Variants in PDE1C observed in about 807,000 individuals in gnomAD.
PDE1C encodes phosphodiesterase 1C.
A neutral mutation model predicts 93.1 loss-of-function variants in PDE1C; 62 were observed. The ratio of observed to expected loss-of-function variants is 0.67; its 90% CI spans 0.54 to 0.82. The LOEUF is 0.82. Among genes scored for constraint, PDE1C ranks in the 40% least tolerant of loss-of-function variants. The pLI is 0.00. For synonymous variants in PDE1C, 325 were observed against 310.1 expected (o/e 1.05, Z -0.50); for missense variants, 742 against 884.6 (o/e 0.84, Z 2.04).
chr7:31,773,539 G>A (rs1306798139), intron 17 of PDE1C, among the ~76,000 whole-genome samples: 1 of 151,960 alleles, frequency 6.6e-6, no homozygotes, highest in Non-Finnish European at 1.5e-5. Flanking sequence ...ATACTCTGTA[G>A]TCCCAAGAGC....
At chr7:32,215,292 T>C (rs1255217045) in intron 1 of PDE1C, among the ~76,000 whole-genome samples, 1 of 152,224 alleles carries the variant, frequency 6.6e-6, no homozygotes, top group East Asian at 1.9e-4. Flanking sequence ...TATGATCATC[T>C]GAGGTAGAAC....
At position 31,997,870 on chromosome 7, in the gene PDE1C, T is replaced by G. The variant is rs191693183; in HGVS notation, c.128+53684A>C. Among the ~76,000 whole-genome samples, 385 of 152,278 alleles carry G rather than the reference T, an allele frequency of 2.5e-3. 3 individuals are homozygous for G. Among genetic ancestry groups the G allele is most frequent in the African/African-American group, 5.7e-3 (239 of 41,566 alleles). ...CAACGATGAATTGGGATTCCAAAAC[T>G]CTGCATCATAGAGCACGGGAGCATA... On this transcript the variant is annotated intron_variant, in intron 2 of 17. Transcript: ENST00000396191.
intron 1 of PDE1C, among the ~76,000 whole-genome samples, chr7:32,246,306 G>A (rs1230261773): frequency 1.3e-5 from 2 of 152,078 alleles, no homozygotes; most frequent in Non-Finnish European, 2.9e-5. Flanking sequence ...TAAACATGCA[G>A]AACATAGCAA....
intron 1 of PDE1C, among the ~76,000 whole-genome samples, chr7:32,310,017 A>G (rs892025537): frequency 2.6e-5 from 4 of 152,216 alleles, no homozygotes; most frequent in African/African-American, 9.7e-5. Context: ...TGTCATGTGC[A>G]GAGACACACA....
At chr7:31,995,123 T>C (rs1387780741) in intron 2 of PDE1C, among the ~76,000 whole-genome samples, 1 of 152,200 alleles carries the variant, frequency 6.6e-6, no homozygotes, top group Admixed American at 6.5e-5. Flanking sequence ...GATGCTATTT[T>C]GGACATTTCT....
chr7:32,243,490 G>A (rs377342785), intron 1 of PDE1C, among the ~76,000 whole-genome samples: 2 of 152,186 alleles, frequency 1.3e-5, no homozygotes, highest in African/African-American at 4.8e-5. Flanking sequence ...CATAGGACTG[G>A]ATCTAGGTAG....
At chr7:31,988,917 C>T (rs1182206163) in intron 2 of PDE1C, among the ~76,000 whole-genome samples, 1 of 149,394 alleles carries the variant, frequency 6.7e-6, no homozygotes, top group Non-Finnish European at 1.5e-5. Context: ...ATCACTTGAA[C>T]CCAGGAAGCA....
intron 1 of PDE1C, among the ~76,000 whole-genome samples, chr7:32,224,092 G>A (rs1414154080): frequency 1.3e-5 from 2 of 152,226 alleles, no homozygotes; most frequent in African/African-American, 2.4e-5. Flanking sequence ...GGCAGGCTTG[G>A]CCGGGCACAG....
the PDE1C span, among the ~76,000 whole-genome samples, chr7:31,700,025 T>C: frequency 6.6e-6 from 1 of 152,094 alleles, no homozygotes; most frequent in Non-Finnish European, 1.5e-5. Context: ...GGCCAATCAA[T>C]AACCCTACAG....
chr7:32,325,915 C>T (rs6980103), intron 1 of PDE1C, among the ~76,000 whole-genome samples: 5,000 of 152,218 alleles, frequency 0.033, 155 homozygotes, highest in African/African-American at 0.083. Flanking sequence ...ATTTAAGAAA[C>T]GATTGCAATC....
chr7:32,364,117 G>C (rs1478552796), intron 1 of PDE1C, among the ~76,000 whole-genome samples: 2 of 152,190 alleles, frequency 1.3e-5, no homozygotes, highest in African/African-American at 4.8e-5. Context: ...GTGGATAAAT[G>C]GAGTGTGGGT....
intron 1 of PDE1C, among the ~76,000 whole-genome samples, chr7:32,069,533 G>A (rs1443132972): frequency 6.6e-6 from 1 of 152,100 alleles, no homozygotes; most frequent in Non-Finnish European, 1.5e-5. Context: ...CCTGACTGGA[G>A]TGACCAGCAG....
intron 14 of PDE1C, among the ~76,000 whole-genome samples, chr7:31,819,099 T>C (rs1030988333): frequency 6.6e-6 from 1 of 152,156 alleles, no homozygotes; most frequent in Non-Finnish European, 1.5e-5. Context: ...TCTAATCAGA[T>C]ACGAGCCTAT....
At chr7:31,741,860 C>G in the PDE1C span, among the ~76,000 whole-genome samples, 4 of 152,186 alleles carry the variant, frequency 2.6e-5, no homozygotes, top group African/African-American at 7.2e-5. Context: ...GGGACCAGGT[C>G]CCATGTGCCC....
chr7:31,618,036 A>G, the PDE1C span, among the ~76,000 whole-genome samples: 1 of 152,196 alleles, frequency 6.6e-6, no homozygotes, highest in Non-Finnish European at 1.5e-5. Flanking sequence ...TGTGGCATCC[A>G]TGGGATCCTA....
At chr7:32,374,148 G>A (rs1784379989) in intron 1 of PDE1C, among the ~76,000 whole-genome samples, 1 of 106,832 alleles carries the variant, frequency 9.4e-6, no homozygotes, top group Non-Finnish European at 1.8e-5. Context: ...ACGAAAGAAT[G>A]AAAGAAAGAA....
intron 1 of PDE1C, among the ~76,000 whole-genome samples, chr7:32,410,167 G>A (rs942056150): frequency 9.2e-5 from 14 of 152,108 alleles, no homozygotes; most frequent in Non-Finnish European, 1.9e-4. Context: ...ATATAAAGTA[G>A]TTTTTTAAAA....
upstream of PDE1C, among the ~76,000 whole-genome samples, chr7:32,072,036 C>T (rs1370650332): frequency 2.6e-5 from 4 of 152,168 alleles, no homozygotes; most frequent in Non-Finnish European, 5.9e-5. Context: ...GCATGATAAA[C>T]TTAGAAGTGA....
intron 2 of PDE1C, among the ~76,000 whole-genome samples, chr7:31,948,398 C>T (rs1806910266): frequency 6.6e-6 from 1 of 152,190 alleles, no homozygotes; most frequent in Admixed American, 6.5e-5. Flanking sequence ...TTTAACACAA[C>T]AGTTTACACA....
Sources: allele counts gnomAD v4.1 joint callset (sites outside exome capture counted in the v4.1 genomes callset), GRCh38; gene constraint gnomAD v4.1.1; transcripts MANE v1.5; gene names NCBI Gene and HGNC (gene_info 2026-07-23, HGNC 2026-07-21).